Variants in WWOX observed in about 807,000 individuals in gnomAD.
WWOX encodes the protein WW domain-containing oxidoreductase.
In WWOX, 69 loss-of-function variants were observed where a neutral mutation model predicts 46.2. That is an observed-to-expected ratio of 1.49 (90% CI 1.23 to 1.82). The LOEUF is 1.82. Ranked by LOEUF, WWOX falls within the 40% of genes most tolerant of loss-of-function variation. The pLI, the probability that WWOX is intolerant of heterozygous loss-of-function variation, is 0.00. For missense variants in WWOX, 919 were observed against 542.6 expected (o/e 1.69, Z -6.89); for synonymous variants, 359 against 202.6 (o/e 1.77, Z -6.56).
chr16:78,810,963 GA>G (rs35797641), intron 8 of WWOX, among the ~76,000 whole-genome samples: 45,272 of 152,022 alleles, frequency 0.3, 7,066 homozygotes, highest in Middle Eastern at 0.45. Context: ...TCCGTGGCCA[GA>G]AGCATATTTG....
chr16:78,929,356 A>G (rs949747138), intron 8 of WWOX, among the ~76,000 whole-genome samples: 1 of 152,082 alleles, frequency 6.6e-6, no homozygotes, highest in South Asian at 2.1e-4. Flanking sequence ...TATATAGTGC[A>G]TATTTTTTCT....
chr16:78,706,750 C>A (rs946445859), intron 8 of WWOX, among the ~76,000 whole-genome samples: 1 of 152,166 alleles, frequency 6.6e-6, no homozygotes, highest in African/African-American at 2.4e-5. Flanking sequence ...CAATTGGCAC[C>A]TCAGATGGTT....
chr16:78,872,968 T>G (rs1427894823), intron 8 of WWOX: 1 of 152,118 alleles, frequency 6.6e-6, no homozygotes, highest in Admixed American at 6.6e-5. Flanking sequence ...TGGCTAATCT[T>G]TGTGTTTCTG....
chr16:78,899,874 A>T (rs1567635721), intron 8 of WWOX, among the ~76,000 whole-genome samples: 2 of 152,316 alleles, frequency 1.3e-5, no homozygotes, highest in East Asian at 3.9e-4. Context: ...TAACATAAAT[A>T]CAGCCCATTA....
At chr16:78,140,453 A>C (rs926564733) in intron 4 of WWOX, among the ~76,000 whole-genome samples, 1 of 152,150 alleles carries the variant, frequency 6.6e-6, no homozygotes, top group Non-Finnish European at 1.5e-5. Flanking sequence ...CAAGTTCTAG[A>C]GGCTAGAAGT....
chr16:78,372,860 C>G (rs1429811364), intron 5 of WWOX, among the ~76,000 whole-genome samples: 3 of 152,186 alleles, frequency 2.0e-5, no homozygotes, highest in South Asian at 2.1e-4. Flanking sequence ...TCATGCCTCT[C>G]TTTCAGCACA....
intron 1 of WWOX, among the ~76,000 whole-genome samples, chr16:78,103,248 T>G (rs112886992): frequency 0.011 from 557 of 52,254 alleles, 4 homozygotes; most frequent in African/African-American, 0.021. Context: ...CGCTGTTTTT[T>G]TTTTTTTTTT....
chr16:78,177,735 C>T (rs1481034591), intron 5 of WWOX, among the ~76,000 whole-genome samples: 1 of 152,190 alleles, frequency 6.6e-6, no homozygotes, highest in Non-Finnish European at 1.5e-5. Context: ...GGTGGTGATA[C>T]AGTCCATACT....
chr16:79,078,879 T>G (rs2048708746), intron 8 of WWOX, among the ~76,000 whole-genome samples: 1 of 152,184 alleles, frequency 6.6e-6, no homozygotes, highest in Admixed American at 6.5e-5. Context: ...GCCAGGCACA[T>G]AATAGGTGCT....
At chr16:78,415,029 C>A (rs2082767005) in intron 6 of WWOX, among the ~76,000 whole-genome samples, 1 of 150,194 alleles carries the variant, frequency 6.7e-6, no homozygotes, top group Admixed American at 6.6e-5. Context: ...GGCTGTTGGA[C>A]TAAGGATATT....
At chr16:78,435,535 A>T (rs910170583) in intron 8 of WWOX, among the ~76,000 whole-genome samples, 2 of 152,202 alleles carry the variant, frequency 1.3e-5, no homozygotes, top group South Asian at 2.1e-4. Context: ...TGTGTAGCTC[A>T]TGAGAGGGTT....
chr16:78,516,663 C>T (rs541302630), intron 8 of WWOX, among the ~76,000 whole-genome samples: 21 of 152,276 alleles, frequency 1.4e-4, no homozygotes, highest in African/African-American at 4.3e-4. Context: ...ACCCTTCACA[C>T]GTGCCTGCAG....
chr16:78,507,463 C>G (rs1276486968), intron 8 of WWOX, among the ~76,000 whole-genome samples: 1 of 152,204 alleles, frequency 6.6e-6, no homozygotes, highest in Non-Finnish European at 1.5e-5. Context: ...CTGGGTAACA[C>G]TTTAGAATAC....
chr16:78,359,712 C>G (rs2081368970), intron 5 of WWOX, among the ~76,000 whole-genome samples: 1 of 152,188 alleles, frequency 6.6e-6, no homozygotes, highest in African/African-American at 2.4e-5. Flanking sequence ...AAAAACACAA[C>G]CTTTTACGAG....
chr16:78,873,421 A>C (rs1288588267), intron 8 of WWOX: 1 of 151,996 alleles, frequency 6.6e-6, no homozygotes, highest in African/African-American at 2.4e-5. Flanking sequence ...TTTACCATCT[A>C]GCAGATGTGG....
intron 5 of WWOX, among the ~76,000 whole-genome samples, chr16:78,197,576 G>C (rs781511603): frequency 5.9e-5 from 9 of 152,156 alleles, no homozygotes; most frequent in Non-Finnish European, 1.2e-4. Context: ...GGAAATATCT[G>C]TGAATAAACT....
chr16:79,023,738 G>C (rs903076945), intron 8 of WWOX, among the ~76,000 whole-genome samples: 3 of 151,186 alleles, frequency 2.0e-5, no homozygotes, highest in Non-Finnish European at 4.4e-5. Flanking sequence ...CCTGGCTGGT[G>C]GTGATACCCC....
intron 8 of WWOX, among the ~76,000 whole-genome samples, chr16:78,819,030 A>G (rs2142737749): frequency 6.6e-6 from 1 of 152,336 alleles, no homozygotes; most frequent in Non-Finnish European, 1.5e-5. Context: ...TGAGAAAATT[A>G]AATGGAAACG....
intron 8 of WWOX, chr16:79,206,473 C>T (rs1476422109): frequency 6.6e-6 from 1 of 152,228 alleles, no homozygotes; most frequent in Non-Finnish European, 1.5e-5. Flanking sequence ...GAAATACTAA[C>T]TGTCCCTGGC....
Sources: gnomAD v4.1 joint callset for allele counts (sites outside exome capture counted in the v4.1 genomes callset) on GRCh38, gnomAD v4.1.1 for gene constraint, MANE v1.5 for transcripts, NCBI Gene and HGNC (gene_info 2026-07-23, HGNC 2026-07-21) for gene names.